R3HDM1: variants seen among roughly 807,000 people sequenced by gnomAD.
The protein encoded by R3HDM1 is R3H domain containing 1.
A neutral mutation model predicts 141.1 loss-of-function variants in R3HDM1; 46 were observed. That is an observed-to-expected ratio of 0.33 (90% CI 0.26 to 0.42). The LOEUF (loss-of-function observed/expected upper bound fraction) is 0.42. Ranked by LOEUF, R3HDM1 falls within the 10% of genes least tolerant of loss-of-function variation. The pLI is 1.00. For synonymous variants in R3HDM1, 435 were observed against 472.9 expected (o/e 0.92, Z 1.04); for missense variants, 1,184 against 1,368.3 (o/e 0.87, Z 2.12).
intron 18 of R3HDM1, among the ~76,000 whole-genome samples, chr2:135,655,378 T>C (rs2065707587): frequency 6.6e-6 from 1 of 152,240 alleles, no homozygotes; most frequent in Non-Finnish European, 1.5e-5. Context: ...ATTATGTATT[T>C]CTGTCCTTTT....
At chr2:135,619,731 T>G in intron 5 of R3HDM1, 1 of 968,402 alleles carries the variant, frequency 1.0e-6, no homozygotes, top group Non-Finnish European at 1.2e-6. Flanking sequence ...TTCCAACTAA[T>G]TTGCTTGATT....
At chr2:135,707,035 G>A (rs1215553181) in intron 21 of R3HDM1, among the ~76,000 whole-genome samples, 3 of 152,036 alleles carry the variant, frequency 2.0e-5, no homozygotes, top group African/African-American at 7.2e-5. Flanking sequence ...TCCTGGACGG[G>A]GCGGCTGGCT....
At chr2:135,688,311 C>CA (rs766515437) in intron 21 of R3HDM1, among the ~76,000 whole-genome samples, 5 of 152,252 alleles carry the variant, frequency 3.3e-5, no homozygotes, top group Admixed American at 6.5e-5. Flanking sequence ...ATCAACAATA[C>CA]AGTACATCCA....
intron 5 of R3HDM1, among the ~76,000 whole-genome samples, chr2:135,618,552 T>C (rs1276959400): frequency 6.7e-6 from 1 of 149,798 alleles, no homozygotes; most frequent in Non-Finnish European, 1.5e-5. Flanking sequence ...AGCAATGAAA[T>C]AGACTTTCTA....
chr2:135,705,564 T>C (rs1258634986), intron 21 of R3HDM1, among the ~76,000 whole-genome samples: 1 of 151,846 alleles, frequency 6.6e-6, no homozygotes, highest in African/African-American at 2.4e-5. Flanking sequence ...TGAGCCCAAG[T>C]GTTCAGTGCT....
At position 135,612,714 on chromosome 2, in the gene R3HDM1, A is replaced by C. The variant is rs2060660453; in HGVS notation, c.172-3438A>C. 2.0e-5 allele frequency among the ~76,000 whole-genome samples: 3 copies of C among 152,212 alleles called. No homozygotes were observed. The South Asian group carries it at 6.2e-4, about 31-fold the overall frequency. On this transcript the variant is annotated intron_variant, in intron 3 of 26. Transcript: ENST00000683871. Reference sequence around the variant, plus strand: ...TCTCTGGACTAATACAGGTCTATTAAACAAGCTGCTAAATTTTTGCTGTGA... The same window carrying C: ...TCTCTGGACTAATACAGGTCTATTACACAAGCTGCTAAATTTTTGCTGTGA...
At chr2:135,649,036 T>C (rs1303095386) in intron 16 of R3HDM1, 1 of 151,938 alleles carries the variant, frequency 6.6e-6, no homozygotes, top group African/African-American at 2.4e-5. Context: ...GCTATTATTC[T>C]TAATAGTTCC....
At chr2:135,691,035 C>T (rs995616883) in intron 21 of R3HDM1, among the ~76,000 whole-genome samples, 2 of 152,174 alleles carry the variant, frequency 1.3e-5, no homozygotes. Flanking sequence ...AAAAATACTT[C>T]TCTTATATCT....
At chr2:135,652,676 C>G (rs2105282131) in intron 18 of R3HDM1, among the ~76,000 whole-genome samples, 1 of 152,234 alleles carries the variant, frequency 6.6e-6, no homozygotes, top group South Asian at 2.1e-4. Context: ...GCATTGTTCC[C>G]TCCTCCTTTA....
intron 21 of R3HDM1, among the ~76,000 whole-genome samples, chr2:135,696,959 A>G (rs573456506): frequency 1.4e-4 from 21 of 152,374 alleles, no homozygotes; most frequent in African/African-American, 4.3e-4. Context: ...AAAACCTGTT[A>G]CAGAGTCATA....
intron 1 of R3HDM1, among the ~76,000 whole-genome samples, chr2:135,546,646 A>G (rs761481791): frequency 6.6e-6 from 1 of 152,128 alleles, no homozygotes; most frequent in African/African-American, 2.4e-5. Context: ...CAACCAGACC[A>G]TGATGTTATC....
chr2:135,701,336 A>G (rs2074177622), intron 21 of R3HDM1, among the ~76,000 whole-genome samples: 2 of 152,058 alleles, frequency 1.3e-5, no homozygotes, highest in Admixed American at 6.6e-5. Context: ...CCCGGAGTTC[A>G]AGGTTACAGT....
chr2:135,706,829 T>C (rs1465079180), intron 21 of R3HDM1, among the ~76,000 whole-genome samples: 2 of 152,104 alleles, frequency 1.3e-5, no homozygotes, highest in Non-Finnish European at 2.9e-5. Context: ...TCCCCACCTT[T>C]CCCCCTTTTC....
chr2:135,668,172 G>A (rs979003579), intron 19 of R3HDM1, among the ~76,000 whole-genome samples: 1 of 152,088 alleles, frequency 6.6e-6, no homozygotes, highest in African/African-American at 2.4e-5. Flanking sequence ...TTCCAGCTGA[G>A]TATTTCTAGT....
At chr2:135,581,298 G>T (rs1219347935) in intron 1 of R3HDM1, 1 of 985,264 alleles carries the variant, frequency 1.0e-6, no homozygotes, top group Non-Finnish European at 1.2e-6. Context: ...CCACAGTAGG[G>T]GAACTCTCAT....
At chr2:135,680,395 T>C (rs2070057822) in intron 21 of R3HDM1, 71 bp downstream of exon 21, 1 of 1,542,532 alleles carries the variant, frequency 6.5e-7, no homozygotes, top group Non-Finnish European at 8.9e-7. Context: ...GTTGCTAGTT[T>C]TAAAGTTGAC....
At chr2:135,677,075 G>T (rs923659506) in intron 20 of R3HDM1, among the ~76,000 whole-genome samples, 39 of 152,082 alleles carry the variant, frequency 2.6e-4, no homozygotes, top group African/African-American at 7.2e-4. Flanking sequence ...AAAATGATGG[G>T]CGTAAATTGG....
At chr2:135,566,368 G>A (rs1702797151) in intron 1 of R3HDM1, among the ~76,000 whole-genome samples, 1 of 152,088 alleles carries the variant, frequency 6.6e-6, no homozygotes, top group Non-Finnish European at 1.5e-5. Context: ...ATCTTACATA[G>A]CGTCTTTATG....
intron 3 of R3HDM1, among the ~76,000 whole-genome samples, chr2:135,611,426 A>G (rs1391625787): frequency 6.6e-6 from 1 of 152,166 alleles, no homozygotes; most frequent in African/African-American, 2.4e-5. Context: ...TATGTAATGT[A>G]CCTAGTACAT....
Sources: gnomAD v4.1 joint callset for allele counts (sites outside exome capture counted in the v4.1 genomes callset) on GRCh38, gnomAD v4.1.1 for gene constraint, MANE v1.5 for transcripts, NCBI Gene and HGNC (gene_info 2026-07-23, HGNC 2026-07-21) for gene names.